The following ATRX variants were observed in gnomAD, a reference collection of about 807,000 sequenced individuals.
ATRX encodes ATRX chromatin remodeler, also known as chromatin remodeler ATRX.
In ATRX, 12 loss-of-function variants were observed where a neutral mutation model predicts 172.6. That is an observed-to-expected ratio of 0.07 (90% confidence interval 0.04 to 0.11). The LOEUF (loss-of-function observed/expected upper bound fraction) is 0.11, where lower values mean the gene tolerates loss of function less well. ATRX is among the 10% of genes least tolerant of loss of function. The pLI, the probability that ATRX is intolerant of heterozygous loss-of-function variation, is 1.00. For synonymous variants in ATRX, 674 were observed against 594.7 expected, an observed-to-expected ratio of 1.13 and a Z score of -1.94; for missense variants, 1,368 against 1,767.4, an observed-to-expected ratio of 0.77 and a Z score of 4.05.
chrX:77,585,671 C>T (rs782424309), intron 27 of ATRX, among the ~76,000 whole-genome samples: 9 of 92,175 alleles, frequency 9.8e-5, no homozygotes, highest in Admixed American at 2.7e-4. Context: ...TAATGGAAAT[C>T]GGTATATCGA....
At chrX:77,716,110 A>AATT (rs2073368673) in intron 2 of ATRX, among the ~76,000 whole-genome samples, 1 of 54,405 alleles carries the variant, frequency 1.8e-5, no homozygotes, top group Non-Finnish European at 2.9e-5. Flanking sequence ...GTCTCTAAAA[A>AATT]TTTTTTTTTT....
At chrX:77,541,312 T>G (rs2063984253) in intron 30 of ATRX, among the ~76,000 whole-genome samples, 1 of 112,119 alleles carries the variant, frequency 8.9e-6, no homozygotes, top group African/African-American at 3.2e-5. Flanking sequence ...GTTCTGAAAC[T>G]GAGGCAGTAA....
chrX:77,760,018 T>G (rs1255538821), intron 1 of ATRX, among the ~76,000 whole-genome samples: 1 of 111,514 alleles, frequency 9.0e-6, no homozygotes, highest in East Asian at 2.8e-4. Context: ...CAAAAAATTT[T>G]GGGTTTTGGA....
intron 15 of ATRX, among the ~76,000 whole-genome samples, chrX:77,648,624 G>GT (rs137908641): frequency 0.038 from 3,502 of 91,173 alleles, 124 homozygotes; most frequent in African/African-American, 0.11. Flanking sequence ...CCAAAGCTGC[G>GT]TTTTTTTTTT....
chrX:77,653,004 TAAAAAAAA>T (rs554448289), intron 14 of ATRX, among the ~76,000 whole-genome samples: 4 of 69,013 alleles, frequency 5.8e-5, no homozygotes, highest in Non-Finnish European at 8.5e-5. Flanking sequence ...TGTTTCTTGT[TAAAAAAAA>T]AAAAAAAAAG....
chrX:77,571,789 G>T (rs45568537), intron 28 of ATRX, among the ~76,000 whole-genome samples: 1,944 of 111,419 alleles, frequency 0.017, 36 homozygotes, highest in African/African-American at 0.059. Flanking sequence ...AAGTTCAGGT[G>T]AATCTATAAT....
intron 2 of ATRX, 24 bp from the exon 3 acceptor site, chrX:77,698,653 A>G (rs1569540758): frequency 1.8e-6 from 2 of 1,133,080 alleles, no homozygotes; most frequent in Non-Finnish European, 1.2e-6. Flanking sequence ...AATAAAGAAC[A>G]TTATTTATCT....
intron 30 of ATRX, among the ~76,000 whole-genome samples, chrX:77,554,186 C>T (rs782315888): frequency 8.6e-4 from 95 of 110,754 alleles, no homozygotes; most frequent in South Asian, 1.9e-3. Context: ...ATGTCTATAA[C>T]CTCAGCTACT....
intron 1 of ATRX, among the ~76,000 whole-genome samples, chrX:77,767,494 C>T (rs1271731471): frequency 9.1e-6 from 1 of 109,835 alleles, no homozygotes; most frequent in African/African-American, 3.3e-5. Context: ...CTCCTGGGTT[C>T]AAGCAATTCT....
intron 1 of ATRX, among the ~76,000 whole-genome samples, chrX:77,727,660 A>G (rs1557173856): frequency 9.7e-6 from 1 of 103,277 alleles, no homozygotes. Context: ...GGAGGGGAAC[A>G]TCACACTGGG....
intron 1 of ATRX, among the ~76,000 whole-genome samples, chrX:77,779,342 A>C (rs1342341107): frequency 9.1e-6 from 1 of 110,109 alleles, no homozygotes; most frequent in Non-Finnish European, 1.9e-5. Flanking sequence ...TGCAGCATTT[A>C]TCACTTTATA....
chrX:77,548,474 C>T (rs782663896), intron 30 of ATRX, among the ~76,000 whole-genome samples: 2 of 111,655 alleles, frequency 1.8e-5, no homozygotes, highest in Non-Finnish European at 3.8e-5. Context: ...CAATTATGAG[C>T]ATGGCTTCCT....
At chrX:77,649,004 A>G (rs1040888729) in intron 15 of ATRX, among the ~76,000 whole-genome samples, 1 of 110,581 alleles carries the variant, frequency 9.0e-6, no homozygotes, top group Middle Eastern at 4.7e-3. Context: ...CCCAATCTCT[A>G]AAATAAAAAA....
At chrX:77,720,988 C>A (rs1057308362) in intron 1 of ATRX, among the ~76,000 whole-genome samples, 1 of 111,723 alleles carries the variant, frequency 9.0e-6, no homozygotes, top group Non-Finnish European at 1.9e-5. Flanking sequence ...ACGATCAAGT[C>A]GGCTTCATCC....
At chrX:77,741,522 C>A (rs1268440116) in intron 1 of ATRX, among the ~76,000 whole-genome samples, 1 of 110,826 alleles carries the variant, frequency 9.0e-6, no homozygotes, top group Non-Finnish European at 1.9e-5. Context: ...AGTGCAGTGG[C>A]ACGATCTCAG....
At chrX:77,602,014 G>GT (rs1228652038) in intron 22 of ATRX, among the ~76,000 whole-genome samples, 1 of 110,776 alleles carries the variant, frequency 9.0e-6, no homozygotes, top group Non-Finnish European at 1.9e-5. Flanking sequence ...TCTTGTTTTT[G>GT]TTTTTTTGAT....
chrX:77,612,776 T>C (rs1428133440), intron 22 of ATRX, among the ~76,000 whole-genome samples: 1 of 110,985 alleles, frequency 9.0e-6, no homozygotes, highest in East Asian at 2.8e-4. Context: ...CAGAACCTGG[T>C]AATCACCATT....
At chrX:77,675,901 G>A (rs782648934) in intron 10 of ATRX, 6 of 186,984 alleles carry the variant, frequency 3.2e-5, no homozygotes, top group Non-Finnish European at 5.0e-5. Context: ...ACTGAGATAT[G>A]ATTTACTTTC....
intron 15 of ATRX, among the ~76,000 whole-genome samples, chrX:77,643,041 C>T (rs946191156): frequency 1.8e-5 from 2 of 111,931 alleles, no homozygotes; most frequent in African/African-American, 6.5e-5. Context: ...CCTTGCCCCA[C>T]CACCTACCAG....
Sources: allele counts gnomAD v4.1 joint callset (sites outside exome capture counted in the v4.1 genomes callset), GRCh38; gene constraint gnomAD v4.1.1; transcripts MANE v1.5; gene names NCBI Gene and HGNC (gene_info 2026-07-23, HGNC 2026-07-21).